IMMP2L: variants seen among roughly 807,000 people sequenced by gnomAD.
IMMP2L encodes the protein mitochondrial inner membrane protease subunit 2.
IMMP2L carries 18 observed loss-of-function variants against 19.3 expected under a neutral mutation model. The ratio of observed to expected loss-of-function variants is 0.93; its 90% CI spans 0.64 to 1.38. The LOEUF (loss-of-function observed/expected upper bound fraction) is 1.38. IMMP2L is among the 40% of genes most tolerant of loss of function. The pLI is 0.00. For synonymous variants in IMMP2L, 76 were observed against 73.0 expected (o/e 1.04, Z -0.21); for missense variants, 233 against 218.2 (o/e 1.07, Z -0.43).
chr7:110,886,014 T>C (rs1045128700), intron 5 of IMMP2L, among the ~76,000 whole-genome samples: 1 of 152,040 alleles, frequency 6.6e-6, no homozygotes, highest in Non-Finnish European at 1.5e-5. Flanking sequence ...TTTCCACCTA[T>C]TGGGTCTTCA....
chr7:110,931,523 T>G (rs1815484695), intron 4 of IMMP2L, among the ~76,000 whole-genome samples: 1 of 152,182 alleles, frequency 6.6e-6, no homozygotes. Flanking sequence ...TCAGCCCGTA[T>G]GTCTAATCCT....
intron 5 of IMMP2L, among the ~76,000 whole-genome samples, chr7:110,716,430 A>G (rs1442296541): frequency 6.6e-6 from 1 of 152,146 alleles, no homozygotes; most frequent in East Asian, 1.9e-4. Context: ...TTGTGGTAGC[A>G]GGTATCTTTC....
In IMMP2L at chr7:110,872,739, T is replaced by C. The variant is rs146087957; in HGVS notation, c.408+13854A>G. Among the ~76,000 whole-genome samples, 30 of 152,252 alleles carry C rather than the reference T, an allele frequency of 2.0e-4. 2 individuals are homozygous for C. In the East Asian group the frequency reaches 4.1e-3, roughly 21 times the overall value. On this transcript the variant is annotated intron_variant, in intron 5 of 5. Coordinates refer to ENST00000405709, the MANE Select transcript of IMMP2L (RefSeq NM_032549.4). ...TAGATCCTGCCCCACTGGTCATAGCTAATTGGTGCAGGACTGGAACTGGAT... is the reference window on the plus strand; with the variant it reads ...TAGATCCTGCCCCACTGGTCATAGCCAATTGGTGCAGGACTGGAACTGGAT...
intron 1 of IMMP2L, among the ~76,000 whole-genome samples, chr7:111,526,167 G>A (rs1445792167): frequency 6.6e-6 from 1 of 152,160 alleles, no homozygotes; most frequent in Non-Finnish European, 1.5e-5. Flanking sequence ...GCATTTATTT[G>A]CTATCAAGCA....
chr7:110,996,823 T>C (rs752947275), intron 3 of IMMP2L, among the ~76,000 whole-genome samples: 1 of 152,066 alleles, frequency 6.6e-6, no homozygotes, highest in Non-Finnish European at 1.5e-5. Flanking sequence ...ACACCCAGAA[T>C]ACTGACATTG....
intron 5 of IMMP2L, among the ~76,000 whole-genome samples, chr7:110,674,342 A>G (rs1433570888): frequency 6.6e-6 from 1 of 152,186 alleles, no homozygotes; most frequent in Non-Finnish European, 1.5e-5. Context: ...GATTATGGGA[A>G]CTATAATTCA....
chr7:111,115,026 A>G (rs1371752247), intron 3 of IMMP2L, among the ~76,000 whole-genome samples: 1 of 152,152 alleles, frequency 6.6e-6, no homozygotes, highest in Non-Finnish European at 1.5e-5. Flanking sequence ...TATGGAAAAC[A>G]AGATGATTAT....
chr7:111,171,817 A>G lies in IMMP2L; in HGVS notation c.240-208252T>C, dbSNP rs1806478804. ...GGTAGCTTACACTAAAAGCAGATAGAACTGTAACTATCTACATATATGTAA... is the reference window on the plus strand; with the variant it reads ...GGTAGCTTACACTAAAAGCAGATAGGACTGTAACTATCTACATATATGTAA... On this transcript the variant is annotated intron_variant, in intron 3 of 5. Coordinates refer to ENST00000405709, the MANE Select transcript of IMMP2L (RefSeq NM_032549.4). Among the ~76,000 whole-genome samples, 5 of 151,660 alleles carry G rather than the reference A, an allele frequency of 3.3e-5. No homozygotes were observed. In the South Asian group the frequency reaches 1.0e-3, roughly 31 times the overall value.
chr7:111,255,328 G>A (rs953490956), intron 3 of IMMP2L, among the ~76,000 whole-genome samples: 3 of 152,070 alleles, frequency 2.0e-5, no homozygotes, highest in African/African-American at 7.2e-5. Flanking sequence ...ATTGACAGCT[G>A]CAATTTGAAA....
At chr7:110,995,578 C>G (rs956272495) in intron 3 of IMMP2L, among the ~76,000 whole-genome samples, 1 of 152,088 alleles carries the variant, frequency 6.6e-6, no homozygotes, top group Non-Finnish European at 1.5e-5. Context: ...CATCCATAAA[C>G]AGTTGTTAAA....
rs1477906535 is a variant in IMMP2L, at chr7:110,877,525, A to G, written c.408+9068T>C. Among the ~76,000 whole-genome samples, 2 of 152,130 alleles carry G rather than the reference A, an allele frequency of 1.3e-5. No homozygotes were observed. The highest frequency in any genetic ancestry group is 6.6e-5 in the Admixed American group (1 of 15,246). On this transcript the variant is annotated intron_variant, in intron 5 of 5. Coordinates refer to ENST00000405709, the MANE Select transcript of IMMP2L (RefSeq NM_032549.4). This position sits in a 1 kb window ranked among gnomAD's most constrained non-coding sequence, Gnocchi z 4.0. Reference sequence around the variant, plus strand: ...CTGTGCCAAAATACAAAAATGCAAAACCAAATGGTGAATTTATGGAATGAT... The same window carrying G: ...CTGTGCCAAAATACAAAAATGCAAAGCCAAATGGTGAATTTATGGAATGAT...
intron 3 of IMMP2L, among the ~76,000 whole-genome samples, chr7:111,409,413 T>C (rs909887583): frequency 6.6e-6 from 1 of 151,764 alleles, no homozygotes; most frequent in Admixed American, 6.6e-5. Flanking sequence ...TAATTCAACA[T>C]GCACTACAGT....
chr7:111,330,523 T>C (rs530952702), intron 3 of IMMP2L, among the ~76,000 whole-genome samples: 16 of 149,538 alleles, frequency 1.1e-4, no homozygotes, highest in Non-Finnish European at 2.1e-4. Context: ...AAAAAAAACT[T>C]GTAACAATCA....
At chr7:110,802,575 A>T (rs28680438) in intron 5 of IMMP2L, among the ~76,000 whole-genome samples, 2,092 of 152,206 alleles carry the variant, frequency 0.014, 46 homozygotes, top group African/African-American at 0.047. Context: ...ATATTGAGAA[A>T]TATATAATAA....
intron 5 of IMMP2L, among the ~76,000 whole-genome samples, chr7:110,752,228 C>T (rs1797769694): frequency 6.6e-6 from 1 of 152,080 alleles, no homozygotes; most frequent in South Asian, 2.1e-4. Flanking sequence ...ATAATCTCTT[C>T]TGGTTCAGTC....
intron 3 of IMMP2L, among the ~76,000 whole-genome samples, chr7:111,382,714 A>T (rs368657321): frequency 3.3e-5 from 5 of 152,084 alleles, no homozygotes; most frequent in African/African-American, 1.2e-4. Flanking sequence ...GGGAGAGAAG[A>T]CCTAGAACAC....
At chr7:111,146,642 G>A (rs764022709) in intron 3 of IMMP2L, among the ~76,000 whole-genome samples, 2 of 152,058 alleles carry the variant, frequency 1.3e-5, no homozygotes, top group Non-Finnish European at 2.9e-5. Flanking sequence ...AACTCCACGA[G>A]GGCAAGAACC....
intron 2 of IMMP2L, among the ~76,000 whole-genome samples, chr7:111,512,947 C>G (rs990169432): frequency 6.6e-6 from 1 of 151,976 alleles, no homozygotes; most frequent in Non-Finnish European, 1.5e-5. Context: ...ATACAAAAAT[C>G]AACTCTCAAT....
intron 3 of IMMP2L, among the ~76,000 whole-genome samples, chr7:111,303,554 G>A (rs1263206929): frequency 6.6e-6 from 1 of 151,958 alleles, no homozygotes; most frequent in East Asian, 1.9e-4. Flanking sequence ...ATTTTATTTT[G>A]TGGGACTCCT....
Sources: gnomAD v4.1 joint callset for allele counts (sites outside exome capture counted in the v4.1 genomes callset) on GRCh38, gnomAD v4.1.1 for gene constraint, Gnocchi (gnomAD v3.1) non-coding constraint, MANE v1.5 for transcripts, NCBI Gene and HGNC (gene_info 2026-07-23, HGNC 2026-07-21) for gene names.